HLA-DOA: variants seen among roughly 807,000 people sequenced by gnomAD.
The protein encoded by HLA-DOA is major histocompatibility complex, class II, DO alpha, also known as HLA class II histocompatibility antigen, DO alpha chain.
HLA-DOA carries 27 observed loss-of-function variants against 22.9 expected under a neutral mutation model. The ratio of observed to expected loss-of-function variants is 1.18; its 90% CI spans 0.87 to 1.62. The LOEUF is 1.62. HLA-DOA is among the 40% of genes most tolerant of loss of function. HLA-DOA has a pLI of 0.00. For missense variants in HLA-DOA, 324 were observed against 332.4 expected (o/e 0.97, Z 0.20); for synonymous variants, 137 against 138.6 (o/e 0.99, Z 0.08).
Position 33,007,097 on chromosome 6 carries a change from A to T in HLA-DOA, c.732T>A (p.Tyr244Ter). 6.2e-7 allele frequency: 1 copy of T among 1,613,312 alleles called. No homozygotes were observed. The highest frequency in any genetic ancestry group is 8.5e-7 in the Non-Finnish European group (1 of 1,179,762). Residue 244 changes from tyrosine (Y) to a stop codon, truncating the protein, a stop_gained, in exon 4 of 5, where the codon TAT becomes TAA. Coordinates refer to ENST00000229829, the MANE Select transcript of HLA-DOA (RefSeq NM_002119.4). LOFTEE classifies it high-confidence loss of function. ...CTCTGCACCTGGGGACACTGGACAC[A>T]TATGTGCCCATGATGATGAGGACGG... Reference protein sequence around the residue: ...VGTVLIIMGTYVSSVPR With the variant: ...VGTVLIIMGT
At position 33,004,244 on chromosome 6, in the gene HLA-DOA, A is replaced by G. The variant is rs1780725770; in HGVS notation, c.*2594T>C. 1 of 152,200 alleles carries G rather than the reference A, an allele frequency of 6.6e-6. No homozygotes were observed. The highest frequency in any genetic ancestry group is 1.5e-5 in the Non-Finnish European group (1 of 68,042). 9.4% of individuals were successfully genotyped at this position (152,200 alleles called of 1,614,324 possible). On this transcript the variant is annotated 3_prime_UTR_variant, in exon 5 of 5. Transcript: ENST00000229829. ...GCCTTAGGACAGAGATGAGAGAAAC[A>G]CCTTTCCAATGATGCATCAAGTTAA...
rs970976696 is a variant in HLA-DOA at position 33,005,781 on chromosome 6, A to G, written c.*1057T>C. 2 of 152,040 alleles carry G rather than the reference A, an allele frequency of 1.3e-5. No individual in the cohort carries two copies. Among genetic ancestry groups the G allele is most frequent in the Non-Finnish European group, 2.9e-5 (2 of 68,020 alleles). 9.4% of individuals were successfully genotyped at this position (152,040 alleles called of 1,614,324 possible). A position where few individuals can be genotyped will look rare whatever the true frequency, so the allele number is the denominator to read the frequency against. The stretch of plus-strand genomic sequence containing the variant: ...TTCTTTGTAGAGATGGGGTCTCTCT[A>G]TGTAGCCCAAGATGGTTTCCACCTC... On this transcript the variant is annotated 3_prime_UTR_variant, in exon 5 of 5. Coordinates refer to ENST00000229829, the MANE Select transcript of HLA-DOA (RefSeq NM_002119.4).
chr6:33,008,390 G>A lies in HLA-DOA; in HGVS notation c.83-129C>T. The A allele has an allele frequency of 2.7e-6, 4 of 1,485,456 alleles. No individual in the cohort carries two copies. The South Asian group carries it at 4.2e-5, about 16-fold the overall frequency. The allele number at this position is 1,485,456 out of a possible 1,614,324, so 92.0% of individuals were successfully genotyped here. A position where few individuals can be genotyped will look rare whatever the true frequency, so the allele number is the denominator to read the frequency against. The stretch of plus-strand genomic sequence containing the variant: ...CTGTGTGGGGACAGAGTCCTGTTCT[G>A]ACACTGGGCTGGCCCTGGGAGAGAG... On this transcript the variant is annotated intron_variant, in intron 1 of 4. Transcript: ENST00000229829.
In HLA-DOA at chr6:33,006,545, C is replaced by A; in HGVS notation, c.*293G>T. 1 of 576,798 alleles carries A rather than the reference C, an allele frequency of 1.7e-6. No homozygotes were observed. Among genetic ancestry groups the A allele is most frequent in the South Asian group, 2.1e-5 (1 of 47,784 alleles). The allele number at this position is 576,798 out of a possible 1,614,324, so 35.7% of individuals were successfully genotyped here. A position where few individuals can be genotyped will look rare whatever the true frequency, so the allele number is the denominator to read the frequency against. ...CACCCCTGGAAGAACTGGCCAAGGC[C>A]TGGAAAGGACACAGTGCAAACACCA... On this transcript the variant is annotated 3_prime_UTR_variant, in exon 5 of 5. Coordinates refer to ENST00000229829, the MANE Select transcript of HLA-DOA (RefSeq NM_002119.4).
At position 33,007,538 on chromosome 6, in the gene HLA-DOA, T is replaced by C. The variant is rs570807005; in HGVS notation, c.386A>G (p.Asn129Ser). Residue 129 changes from asparagine to serine, a missense_variant, in exon 3 of 5, where the codon AAC (asparagine) becomes AGC (serine). By Grantham distance (46) the Asn-to-Ser change is conservative. Transcript: ENST00000229829. ...GTTGTCCACGATGCAGATGAGGATG[T>C]TGGGCTGGCCCAGCTCCACCCGAGA... ...PKSRVELGQP[N>S]ILICIVDNIF... 1.1e-5 allele frequency: 18 copies of C among 1,613,002 alleles called. No homozygotes were observed. In the East Asian group the frequency reaches 3.6e-4, roughly 32 times the overall value.
Position 33,007,098 on chromosome 6 carries a change from T to C in HLA-DOA, c.731A>G (p.Tyr244Cys). ...TCTGCACCTGGGGACACTGGACACA[T>C]ATGTGCCCATGATGATGAGGACGGT... Reference protein sequence around the residue: ...VGTVLIIMGTYVSSVPR With the variant: ...VGTVLIIMGTCVSSVPR Residue 244 changes from tyrosine (Y) to cysteine (C), a missense_variant, in exon 4 of 5, where the codon TAT (tyrosine) becomes TGT (cysteine). Transcript: ENST00000229829. The C allele has an allele frequency of 1.2e-6, 2 of 1,613,392 alleles. No homozygotes were observed. Among genetic ancestry groups the C allele is most frequent in the Non-Finnish European group, 1.7e-6 (2 of 1,179,806 alleles).
intron 1 of HLA-DOA, 162 bp from the exon 2 acceptor site, chr6:33,008,423 G>T: frequency 7.0e-7 from 1 of 1,437,208 alleles, no homozygotes; most frequent in Non-Finnish European, 9.1e-7. Context: ...GAGAAAGGGA[G>T]AGAGAACAGG....
Position 33,009,547 on chromosome 6 carries a change from T to A in HLA-DOA, c.-11A>T. The A allele has an allele frequency of 1.3e-6, 2 of 1,586,770 alleles. No homozygotes were observed. Among genetic ancestry groups the A allele is most frequent in the Non-Finnish European group, 1.7e-6 (2 of 1,166,176 alleles). On this transcript the variant is annotated 5_prime_UTR_variant, in exon 1 of 5. Coordinates refer to ENST00000229829, the MANE Select transcript of HLA-DOA (RefSeq NM_002119.4). The surrounding 1 kb of genome is among the most constrained non-coding windows in gnomAD (Gnocchi z 4.8). ...TGCTCTGAGGGCCATTACACTCTGG[T>A]GCTTTAATCAAATCAGTCTCAGTCC...
intron 2 of HLA-DOA, 165 bp downstream of exon 2, chr6:33,007,848 C>A: frequency 9.9e-7 from 1 of 1,008,346 alleles, no homozygotes; most frequent in South Asian, 1.7e-5. Flanking sequence ...GAGAGGGGTG[C>A]CAAAGGGGTC....
chr6:33,006,972 C>T (rs906121324), intron 4 of HLA-DOA, 108 bp downstream of exon 4: 1 of 1,508,164 alleles, frequency 6.6e-7, no homozygotes, highest in African/African-American at 1.4e-5. Flanking sequence ...CTGCCCATTT[C>T]TTTTCTGACT....
In HLA-DOA at chr6:33,005,911, A is replaced by G. The variant is rs1048877590; in HGVS notation, c.*927T>C. On this transcript the variant is annotated 3_prime_UTR_variant, in exon 5 of 5. Transcript: ENST00000229829. ...CTGTACTTTTAAAAGGATCCCAAGC[A>G]GTTCTTATGTGCATTCTGGTTTGAA... 2.6e-5 allele frequency: 4 copies of G among 152,204 alleles called. No individual in the cohort carries two copies. The highest frequency in any genetic ancestry group is 4.4e-5 in the Non-Finnish European group (3 of 68,054). The allele number at this position is 152,204 out of a possible 1,614,324, so 9.4% of individuals were successfully genotyped here.
chr6:33,007,090 T>G lies in HLA-DOA; in HGVS notation c.739A>C (p.Ser247Arg). Residue 247 changes from serine (S) to arginine (R), a missense_variant, in exon 4 of 5, where the codon AGT (serine) becomes CGT (arginine). Physicochemically the swap from Ser to Arg is moderately radical, Grantham distance 110. Coordinates refer to ENST00000229829, the MANE Select transcript of HLA-DOA (RefSeq NM_002119.4). ...VLIIMGTYVS[S>R]VPR ...CCGGGGCCTCTGCACCTGGGGACACTGGACACATATGTGCCCATGATGATG... is the reference window on the plus strand; with the variant it reads ...CCGGGGCCTCTGCACCTGGGGACACGGGACACATATGTGCCCATGATGATG... 1 of 1,611,702 alleles carries G rather than the reference T, an allele frequency of 6.2e-7. No individual in the cohort carries two copies. Among genetic ancestry groups the G allele is most frequent in the East Asian group, 2.2e-5 (1 of 44,822 alleles).
Position 33,004,340 on chromosome 6 carries a change from A to G in HLA-DOA, c.*2498T>C, listed in dbSNP as rs1780728577. On this transcript the variant is annotated 3_prime_UTR_variant, in exon 5 of 5. Transcript: ENST00000229829. ...ACGTATCTTGTGATGTCTTCTGAGAACCAACTTATTCCTCTTTCTCTGAGA... is the reference window on the plus strand; with the variant it reads ...ACGTATCTTGTGATGTCTTCTGAGAGCCAACTTATTCCTCTTTCTCTGAGA... The G allele has an allele frequency of 6.6e-6, 1 of 152,192 alleles. No homozygotes were observed. The highest frequency in any genetic ancestry group is 6.5e-5 in the Admixed American group (1 of 15,276). The allele number at this position is 152,192 out of a possible 1,614,324, so 9.4% of individuals were successfully genotyped here.
rs566412045 is a variant in HLA-DOA at position 33,006,492 on chromosome 6, G to A, written c.*346C>T. 7.1e-5 allele frequency: 36 copies of A among 505,028 alleles called. No individual in the cohort carries two copies. Among genetic ancestry groups the A allele is most frequent in the Non-Finnish European group, 1.1e-4 (31 of 279,626 alleles). The allele number at this position is 505,028 out of a possible 1,614,324, so 31.3% of individuals were successfully genotyped here. A position where few individuals can be genotyped will look rare whatever the true frequency, so the allele number is the denominator to read the frequency against. On this transcript the variant is annotated 3_prime_UTR_variant, in exon 5 of 5. Transcript: ENST00000229829. The stretch of plus-strand genomic sequence containing the variant: ...GACACACCTGTGTGGGCCCCAGGAT[G>A]GCTGCCAATCCCCAGCACCACATGC...
rs34987694 is a variant in HLA-DOA at position 33,007,509 on chromosome 6, A to G, written c.415T>C (p.Phe139Leu). 2.7e-3 allele frequency: 4,388 copies of G among 1,613,008 alleles called. 42 individuals are homozygous for G. Among genetic ancestry groups the G allele is most frequent in the South Asian group, 0.016 (1,476 of 91,076 alleles). ...CAGGTGATATTGATCACAGGGGGGA[A>G]GATGTTGTCCACGATGCAGATGAGG... ...NILICIVDNI[F>L]PPVINITWLR... The change falls in exon 3 of 5, where the codon TTC (phenylalanine) becomes CTC (leucine). Residue 139 changes from phenylalanine to leucine, a missense_variant. By Grantham distance (22) the Phe-to-Leu change is conservative (BLOSUM62 0). Coordinates refer to ENST00000229829, the MANE Select transcript of HLA-DOA (RefSeq NM_002119.4).
rs370973797 is a variant in HLA-DOA at position 33,007,209 on chromosome 6, T to A, written c.620A>T (p.Gln207Leu). The A allele has an allele frequency of 5.6e-6, 9 of 1,613,762 alleles. No homozygotes were observed. Among genetic ancestry groups the A allele is most frequent in the African/African-American group, 2.7e-5 (2 of 75,042 alleles). Residue 207 changes from glutamine (Q) to leucine (L), a missense_variant, in exon 4 of 5, where the codon CAG becomes CTG. Coordinates refer to ENST00000229829, the MANE Select transcript of HLA-DOA (RefSeq NM_002119.4). ...GGCATCTGGTGGTGGAATAGGCACC[T>A]GGAGCTCTAGGAGAGAAAGGAAGGA... ...DAPLLRHWEL[Q>L]VPIPPPDAME...
Position 33,007,523 on chromosome 6 carries a change from A to T in HLA-DOA, c.401T>A (p.Ile134Asn), listed in dbSNP as rs1412795434. 6.2e-7 allele frequency: 1 copy of T among 1,612,910 alleles called. No homozygotes were observed. Among genetic ancestry groups the T allele is most frequent in the East Asian group, 2.2e-5 (1 of 44,892 alleles). Residue 134 changes from isoleucine (I) to asparagine (N), a missense_variant, in exon 3 of 5, where the codon ATC (isoleucine) becomes AAC (asparagine). Coordinates refer to ENST00000229829, the MANE Select transcript of HLA-DOA (RefSeq NM_002119.4). ...ELGQPNILIC[I>N]VDNIFPPVIN... ...CACAGGGGGGAAGATGTTGTCCACGATGCAGATGAGGATGTTGGGCTGGCC... is the reference window on the plus strand; with the variant it reads ...CACAGGGGGGAAGATGTTGTCCACGTTGCAGATGAGGATGTTGGGCTGGCC...
chr6:33,004,793 C>T lies in HLA-DOA; in HGVS notation c.*2045G>A, dbSNP rs999749081. On this transcript the variant is annotated 3_prime_UTR_variant, in exon 5 of 5. Coordinates refer to ENST00000229829, the MANE Select transcript of HLA-DOA (RefSeq NM_002119.4). ...CTCCCCATGGCTATATTGCAAATAT[C>T]CTATACTTTGCATGTGATCACACAA... is the stretch of plus-strand genomic sequence containing the variant. 2.6e-5 allele frequency: 4 copies of T among 152,146 alleles called. No individual in the cohort carries two copies. The highest frequency in any genetic ancestry group is 9.7e-5 in the African/African-American group (4 of 41,422). The allele number at this position is 152,146 out of a possible 1,614,324, so 9.4% of individuals were successfully genotyped here.
In HLA-DOA at chr6:33,007,300, G is replaced by A; in HGVS notation, c.613+11C>T. The A allele has an allele frequency of 6.2e-7, 1 of 1,613,066 alleles. No homozygotes were observed. Among genetic ancestry groups the A allele is most frequent in the Non-Finnish European group, 8.5e-7 (1 of 1,179,982 alleles). ...GGGGCCAGGAGGGTGCATGGGGAGG[G>A]GGCTCCGTACCCCAATGCCTGAGGA... On this transcript the variant is annotated intron_variant, in intron 3 of 4. Transcript: ENST00000229829.
Sources: gnomAD v4.1 joint callset for allele counts on GRCh38, gnomAD v4.1.1 for gene constraint, Gnocchi (gnomAD v3.1) non-coding constraint, MANE v1.5 for transcripts, NCBI Gene and HGNC (gene_info 2026-07-23, HGNC 2026-07-21) for gene names.